The following MEGF8 variants were observed in gnomAD, a reference collection of about 807,000 sequenced individuals.
The protein encoded by MEGF8 is multiple EGF like domains 8.
MEGF8 carries 156 observed loss-of-function variants against 302.9 expected under a neutral mutation model. The ratio of observed to expected loss-of-function variants is 0.52; its 90% CI spans 0.45 to 0.59. MEGF8 has a LOEUF of 0.59. MEGF8 is among the 20% of genes least tolerant of loss of function. MEGF8 has a pLI of 0.00. For synonymous variants in MEGF8, 1,621 were observed against 1,660.5 expected (o/e 0.98, Z 0.58); for missense variants, 3,345 against 3,964.5 (o/e 0.84, Z 4.20).
chr19:42,351,755 TG>T lies in MEGF8; in HGVS notation c.3098del (p.Gly1033AspfsTer60). The T allele has an allele frequency of 6.3e-7, 1 of 1,575,450 alleles. No homozygotes were observed. Among genetic ancestry groups the T allele is most frequent in the East Asian group, 2.4e-5 (1 of 42,286 alleles). ...TGTGGCAATGAGGACAACCCCACAC[TG>T]GGACGGTGAGCCCGGGCAGGTGGGT... ...GWCGNEDNPT[L>X]GRCLQGDFSG... On this transcript the variant is annotated frameshift_variant, in exon 18 of 42. Transcript: ENST00000251268. LOFTEE classifies it high-confidence loss of function. This position sits in a 1 kb window ranked among gnomAD's most constrained non-coding sequence, Gnocchi z 5.6.
rs2039451070 is a variant in MEGF8 at position 42,356,250 on chromosome 19, T to A, written c.4503+57T>A. The A allele has an allele frequency of 6.6e-7, 1 of 1,523,472 alleles. No individual in the cohort carries two copies. Among genetic ancestry groups the A allele is most frequent in the Admixed American group, 2.1e-5 (1 of 48,150 alleles). 94.4% of individuals were successfully genotyped at this position (1,523,472 alleles called of 1,614,324 possible). On this transcript the variant is annotated intron_variant, in intron 25 of 41. Transcript: ENST00000251268. The surrounding 1 kb of genome is among the most constrained non-coding windows in gnomAD (Gnocchi z 5.2). The stretch of plus-strand genomic sequence containing the variant: ...GTTGCTCCCAGGTCGTTCTCCCACC[T>A]CCATTCCTGGGACCACCCCTACACC...
rs34475546 is a variant in MEGF8, at chr19:42,362,396, C to T, written c.5857C>T (p.Arg1953Cys). 2.8e-5 allele frequency: 45 copies of T among 1,613,900 alleles called. No homozygotes were observed. In the Middle Eastern group the frequency reaches 4.9e-4, roughly 18 times the overall value. ...CTTCCCTCACCAGGCGTCCACCCCC[C>T]GCTGTAAGTGGTGTACCAACTGCCC... Reference protein sequence around the residue: ...QPGDGEASTPRCKWCTNCPEG... With the variant: ...QPGDGEASTPCCKWCTNCPEG... The change falls in exon 34 of 42, where the codon CGC (arginine) becomes TGC (cysteine). Residue 1953 changes from arginine to cysteine, a missense_variant. Coordinates refer to ENST00000251268, the MANE Select transcript of MEGF8 (RefSeq NM_001271938.2).
intron 31 of MEGF8, among the ~76,000 whole-genome samples, 180 bp downstream of exon 31, chr19:42,359,422 G>T (rs1162442150): frequency 4.6e-5 from 7 of 150,728 alleles, no homozygotes; most frequent in Non-Finnish European, 8.9e-5. Flanking sequence ...TTTTCTTAGA[G>T]AAGTTTATTT....
chr19:42,350,943 C>A (rs572978091), intron 15 of MEGF8, among the ~76,000 whole-genome samples: 2 of 152,262 alleles, frequency 1.3e-5, no homozygotes, highest in South Asian at 4.1e-4. Context: ...GGGAATGTGG[C>A]CCCTTGCCCA....
intron 1 of MEGF8, among the ~76,000 whole-genome samples, chr19:42,331,996 C>A (rs915034024): frequency 1.3e-4 from 20 of 151,378 alleles, no homozygotes; most frequent in African/African-American, 4.9e-4. Flanking sequence ...GTAGCTGGGA[C>A]TTGCACCACC....
intron 32 of MEGF8, among the ~76,000 whole-genome samples, chr19:42,361,758 G>A (rs947179658): frequency 6.6e-6 from 1 of 152,122 alleles, no homozygotes; most frequent in Non-Finnish European, 1.5e-5. Context: ...GTTGTGAGGG[G>A]TAGAGTGACG....
chr19:42,350,616 C>T (rs751955200), intron 15 of MEGF8, among the ~76,000 whole-genome samples: 7 of 152,166 alleles, frequency 4.6e-5, no homozygotes, highest in East Asian at 3.8e-4. Flanking sequence ...TTTCCACTAG[C>T]GGGGAGTTTC....
At chr19:42,365,239 C>T (rs982427782) in intron 35 of MEGF8, among the ~76,000 whole-genome samples, 17 of 152,096 alleles carry the variant, frequency 1.1e-4, no homozygotes, top group Admixed American at 5.9e-4. Flanking sequence ...CACAGTCCTG[C>T]GGGCATGCGC....
At chr19:42,372,952 C>T (rs548525821) in intron 41 of MEGF8, among the ~76,000 whole-genome samples, 4 of 152,286 alleles carry the variant, frequency 2.6e-5, no homozygotes, top group South Asian at 2.1e-4. Flanking sequence ...GGATTACAGG[C>T]GTGAGCCACC....
rs1214828312 is a variant in MEGF8, at chr19:42,369,026, G to A, written c.6641+24G>A. ...AAGTGAGGCCGCAGGCGGCGCTGGG[G>A]CCAGGCAGGCTAGGGTGGGAGAGTC... On this transcript the variant is annotated intron_variant, in intron 37 of 41. Transcript: ENST00000251268. This position sits in a 1 kb window ranked among gnomAD's most constrained non-coding sequence, Gnocchi z 5.7. The A allele has an allele frequency of 6.2e-7, 1 of 1,610,250 alleles. No individual in the cohort carries two copies. Among genetic ancestry groups the A allele is most frequent in the African/African-American group, 1.3e-5 (1 of 75,064 alleles).
At chr19:42,349,802 T>C in intron 14 of MEGF8, 103 bp downstream of exon 14, 1 of 1,270,376 alleles carries the variant, frequency 7.9e-7, no homozygotes, top group Non-Finnish European at 1.1e-6. Context: ...CCCTAGATTC[T>C]GGCCTCGGAC....
intron 30 of MEGF8, 39 bp from the exon 31 acceptor site, chr19:42,359,059 C>A: frequency 6.6e-7 from 1 of 1,520,308 alleles, no homozygotes; most frequent in Non-Finnish European, 8.8e-7. Flanking sequence ...ACAGCTCTGA[C>A]AGGCTGTCCT....
At chr19:42,363,584 T>C (rs1392364180) in intron 35 of MEGF8, among the ~76,000 whole-genome samples, 3 of 152,224 alleles carry the variant, frequency 2.0e-5, no homozygotes, top group African/African-American at 7.2e-5. Context: ...ATTTAATTTT[T>C]TGTTTTTAAT....
Position 42,336,446 on chromosome 19 carries a change from G to A in MEGF8, c.1244+100G>A. On this transcript the variant is annotated intron_variant, in intron 6 of 41. Transcript: ENST00000251268. This position sits in a 1 kb window ranked among gnomAD's most constrained non-coding sequence, Gnocchi z 4.8. ...GGTCTTTGCCCACTGTCGGACTCCT[G>A]TGGTCTCTCAGTCACTCCTTCCTTC... 8.0e-7 allele frequency: 1 copy of A among 1,244,670 alleles called. No individual in the cohort carries two copies. The highest frequency in any genetic ancestry group is 1.1e-6 in the Non-Finnish European group (1 of 923,208). The allele number at this position is 1,244,670 out of a possible 1,614,324, so 77.1% of individuals were successfully genotyped here. A position where few individuals can be genotyped will look rare whatever the true frequency, so the allele number is the denominator to read the frequency against.
At chr19:42,328,034 G>A (rs1600001678) in intron 1 of MEGF8, among the ~76,000 whole-genome samples, 1 of 152,322 alleles carries the variant, frequency 6.6e-6, no homozygotes, top group Middle Eastern at 3.4e-3. Context: ...GTTGCAGTGA[G>A]CCAATATTGT....
chr19:42,363,211 G>A lies in MEGF8; in HGVS notation c.6222G>A (p.Lys2074=), dbSNP rs150834651. ...ACTGTACCTCCTGCCTGGACTCTAA[G>A]GGAGCAGATGGGGGCTGGCAGCACT... The part of the protein sequence containing the change: ...LPNCTSCLDS[K]GADGGWQHCV... The change falls in exon 35 of 42, where the codon AAG becomes AAA. Residue 2074 remains lysine (K), a synonymous_variant. Coordinates refer to ENST00000251268, the MANE Select transcript of MEGF8 (RefSeq NM_001271938.2). The A allele has an allele frequency of 6.0e-5, 97 of 1,610,786 alleles. No individual in the cohort carries two copies. In the African/African-American group the frequency reaches 1.3e-3, roughly 21 times the overall value.
In MEGF8 at chr19:42,344,083, A is replaced by G. The variant is rs371389200; in HGVS notation, c.1788+10A>G. ...GACCCCCTTGGGGGCTGTGAGTGAC[A>G]GCCCTAGACCCTCTGTTCCCTAGCA... On this transcript the variant is annotated intron_variant, in intron 10 of 41. Transcript: ENST00000251268. This position sits in a 1 kb window ranked among gnomAD's most constrained non-coding sequence, Gnocchi z 4.5. 21 of 1,612,516 alleles carry G rather than the reference A, an allele frequency of 1.3e-5. No individual in the cohort carries two copies. Among genetic ancestry groups the G allele is most frequent in the Non-Finnish European group, 1.8e-5 (21 of 1,179,494 alleles).
chr19:42,349,647 G>A lies in MEGF8; in HGVS notation c.2447G>A (p.Gly816Glu). The change falls in exon 14 of 42, where the codon GGG (glycine) becomes GAG (glutamate). Residue 816 changes from glycine to glutamate, a missense_variant. Transcript: ENST00000251268. ...QGQLNGSAGP[G>E]HSELTLLWDR... ...CAGCTCAATGGCTCGGCAGGCCCTGGGCACAGCGAGCTAACTCTGCTGTGG... is the reference window on the plus strand; with the variant it reads ...CAGCTCAATGGCTCGGCAGGCCCTGAGCACAGCGAGCTAACTCTGCTGTGG... The A allele has an allele frequency of 1.2e-6, 2 of 1,611,944 alleles. No individual in the cohort carries two copies. The highest frequency in any genetic ancestry group is 1.7e-6 in the Non-Finnish European group (2 of 1,179,828).
At chr19:42,333,124 C>G (rs1427048772) in intron 1 of MEGF8, among the ~76,000 whole-genome samples, 1 of 152,210 alleles carries the variant, frequency 6.6e-6, no homozygotes, top group Non-Finnish European at 1.5e-5. Context: ...AGAAGCTGGA[C>G]TCTTCTCTTG....
Sources: allele counts gnomAD v4.1 joint callset (sites outside exome capture counted in the v4.1 genomes callset), GRCh38; gene constraint gnomAD v4.1.1; non-coding constraint Gnocchi (gnomAD v3.1); transcripts MANE v1.5; gene names NCBI Gene and HGNC (gene_info 2026-07-23, HGNC 2026-07-21).